Variants in EIF4H observed in about 807,000 individuals in gnomAD.
EIF4H encodes eukaryotic translation initiation factor 4H, also known as Williams-Beuren syndrome chromosome region 1.
A neutral mutation model predicts 30.6 loss-of-function variants in EIF4H; 8 were observed. The observed-to-expected ratio is 0.26, with a 90% CI of 0.15 to 0.47. The LOEUF is 0.47. Among genes scored for constraint, EIF4H ranks in the 20% least tolerant of loss-of-function variants. The probability of loss-of-function intolerance (pLI) is 0.99; values close to 1 mark genes in which losing one functional copy is unlikely to be tolerated. For missense variants in EIF4H, 188 were observed against 339.5 expected (o/e 0.55, Z 3.51); for synonymous variants, 106 against 122.7 (o/e 0.86, Z 0.90).
intron 5 of EIF4H, among the ~76,000 whole-genome samples, chr7:74,193,006 AT>A (rs1291442757): frequency 2.0e-5 from 3 of 152,132 alleles, no homozygotes; most frequent in African/African-American, 7.2e-5. Context: ...AAGACGCCTC[AT>A]TTAATGTTAG....
At chr7:74,182,508 T>C (rs1199141582) in intron 1 of EIF4H, among the ~76,000 whole-genome samples, 1 of 152,214 alleles carries the variant, frequency 6.6e-6, no homozygotes, top group East Asian at 1.9e-4. Context: ...TTCTTTGGTT[T>C]ACACTACTTT....
intron 1 of EIF4H, among the ~76,000 whole-genome samples, chr7:74,178,833 C>T (rs77131509): frequency 1.3e-5 from 2 of 152,118 alleles, no homozygotes; most frequent in South Asian, 2.1e-4. Context: ...TTGTGTAAGT[C>T]GAATGTTCTT....
intron 1 of EIF4H, among the ~76,000 whole-genome samples, chr7:74,182,063 CT>C (rs1382161338): frequency 8.5e-4 from 130 of 152,112 alleles, no homozygotes; most frequent in African/African-American, 2.9e-3. Context: ...ATAAGGGCTT[CT>C]TTTTTTTCTT....
chr7:74,191,161 G>A (rs376669181), intron 5 of EIF4H: 7 of 533,348 alleles, frequency 1.3e-5, no homozygotes, highest in South Asian at 2.8e-5. Context: ...AACAGGTGAC[G>A]ACTACCTGTT....
intron 1 of EIF4H, among the ~76,000 whole-genome samples, chr7:74,176,996 C>T (rs1025030198): frequency 2.0e-5 from 3 of 152,156 alleles, no homozygotes; most frequent in African/African-American, 7.2e-5. Flanking sequence ...GGAAAACCAC[C>T]GATCCTGAGA....
chr7:74,186,789 T>A (rs416098), intron 1 of EIF4H, among the ~76,000 whole-genome samples: 31,066 of 35,644 alleles, frequency 0.87, 13,526 homozygotes, highest in Non-Finnish European at 0.9. Flanking sequence ...CAAGGAGAAA[T>A]TTTTTTTTTT....
rs1439487192 is a variant in EIF4H at position 74,187,906 on chromosome 7, T to A, written c.247+108T>A. Reference sequence around the variant, plus strand: ...GAACCAGAGGCTGTAATCAAGAAAGTGTTTTAAACATTTGCCTGGTCTAAG... The same window carrying A: ...GAACCAGAGGCTGTAATCAAGAAAGAGTTTTAAACATTTGCCTGGTCTAAG... On this transcript the variant is annotated intron_variant, in intron 2 of 6. Transcript: ENST00000265753. 2 of 1,309,912 alleles carry A rather than the reference T, an allele frequency of 1.5e-6. 1 individual carries two copies. The highest frequency in any genetic ancestry group is 3.4e-5 in the South Asian group (2 of 58,094). The allele number at this position is 1,309,912 out of a possible 1,614,324, so 81.1% of individuals were successfully genotyped here.
intron 5 of EIF4H, among the ~76,000 whole-genome samples, chr7:74,193,623 T>C (rs1801275596): frequency 6.6e-6 from 1 of 151,420 alleles, no homozygotes; most frequent in Non-Finnish European, 1.5e-5. Context: ...TTTTTTTTTT[T>C]TTTCCTTGAG....
rs1480033133 is a variant in EIF4H, at chr7:74,196,586, G to A, written c.*1278G>A. 5.3e-5 allele frequency: 8 copies of A among 151,900 alleles called. No individual in the cohort carries two copies. The highest frequency in any genetic ancestry group is 1.9e-4 in the African/African-American group (8 of 41,344). 9.4% of individuals were successfully genotyped at this position (151,900 alleles called of 1,614,324 possible). On this transcript the variant is annotated 3_prime_UTR_variant, in exon 7 of 7. Transcript: ENST00000265753. Reference sequence around the variant, plus strand: ...AAAATCCTTCAGTACCCAAGTCCCAGTCTGTCCTATGGGGAGCAGTTTGGG... The same window carrying A: ...AAAATCCTTCAGTACCCAAGTCCCAATCTGTCCTATGGGGAGCAGTTTGGG...
In EIF4H at chr7:74,189,926, G is replaced by T. The variant is rs782733036; in HGVS notation, c.409+8G>T. 50 of 1,613,666 alleles carry T rather than the reference G, an allele frequency of 3.1e-5. No individual in the cohort carries two copies. The highest frequency in any genetic ancestry group is 4.2e-5 in the Non-Finnish European group (49 of 1,179,944). On this transcript the variant is annotated splice_region_variant and intron_variant, in intron 4 of 6. Transcript: ENST00000265753. Reference sequence around the variant, plus strand: ...GTGGACCAGATGACAGAGGTGATTGGTTCTTCTAAAGCTGAACATCATAAA... The same window carrying T: ...GTGGACCAGATGACAGAGGTGATTGTTTCTTCTAAAGCTGAACATCATAAA...
Position 74,174,745 on chromosome 7 carries a change from G to A in EIF4H, c.59+303G>A, listed in dbSNP as rs185284932. ...CGCCGATGCCCGGAGACGAGCGCCC[G>A]CTTCCAGCCCCATCCCCCCTACGGT... is the stretch of plus-strand genomic sequence containing the variant. On this transcript the variant is annotated intron_variant, in intron 1 of 6. Transcript: ENST00000265753. Among the ~76,000 whole-genome samples the A allele has an allele frequency of 8.2e-4, 125 of 152,322 alleles. 1 individual carries two copies. Among genetic ancestry groups the A allele is most frequent in the Non-Finnish European group, 1.3e-3 (89 of 68,022 alleles).
rs1554710802 is a variant in EIF4H at position 74,196,534 on chromosome 7, CT to C, written c.*1228del. ...GAGTGCTAGGGGTTAGGCTTTTGAG[CT>C]TGAACGCCTGCGTGTGAACAGATGA... On this transcript the variant is annotated 3_prime_UTR_variant, in exon 7 of 7. Coordinates refer to ENST00000265753, the MANE Select transcript of EIF4H (RefSeq NM_022170.2). 2 of 152,198 alleles carry C rather than the reference CT, an allele frequency of 1.3e-5. No homozygotes were observed. The highest frequency in any genetic ancestry group is 2.4e-5 in the African/African-American group (1 of 41,434). The allele number at this position is 152,198 out of a possible 1,614,324, so 9.4% of individuals were successfully genotyped here.
chr7:74,175,046 C>T (rs568649008), intron 1 of EIF4H, among the ~76,000 whole-genome samples: 8 of 152,222 alleles, frequency 5.3e-5, no homozygotes, highest in African/African-American at 1.9e-4. Context: ...ATCGTAGCTT[C>T]TTTGTATTAA....
At chr7:74,186,788 A>ATTTTTTTTTTTTTTT (rs564794579) in intron 1 of EIF4H, among the ~76,000 whole-genome samples, 1 of 70,088 alleles carries the variant, frequency 1.4e-5, no homozygotes, top group African/African-American at 4.9e-5. Flanking sequence ...ACAAGGAGAA[A>ATTTTTTTTTTTTTTT]TTTTTTTTTT....
chr7:74,186,690 GT>G (rs1801086407), intron 1 of EIF4H, among the ~76,000 whole-genome samples: 1 of 149,080 alleles, frequency 6.7e-6, no homozygotes, highest in Admixed American at 6.7e-5. Context: ...ACCCTGTGAA[GT>G]ATTGCACGAG....
Position 74,195,414 on chromosome 7 carries a change from G to C in EIF4H, c.*106G>C. On this transcript the variant is annotated 3_prime_UTR_variant, in exon 7 of 7. Coordinates refer to ENST00000265753, the MANE Select transcript of EIF4H (RefSeq NM_022170.2). ...GCCGCCACTCCTGCGCCTGCCATTG[G>C]CCTCCTCACAGCGGAAACACAGCTT... 7.6e-7 allele frequency: 1 copy of C among 1,322,276 alleles called. No individual in the cohort carries two copies. Among genetic ancestry groups the C allele is most frequent in the Non-Finnish European group, 1.0e-6 (1 of 973,302 alleles). The allele number at this position is 1,322,276 out of a possible 1,614,324, so 81.9% of individuals were successfully genotyped here.
intron 1 of EIF4H, among the ~76,000 whole-genome samples, chr7:74,185,062 T>A (rs1275264708): frequency 6.6e-6 from 1 of 152,054 alleles, no homozygotes; most frequent in Non-Finnish European, 1.5e-5. Context: ...GCCATCACAG[T>A]TCACTGCAGC....
In EIF4H at chr7:74,174,733, A is replaced by T. The variant is rs372836358; in HGVS notation, c.59+291A>T. ...TGGCCGCGGCGGCGCCGATGCCCGG[A>T]GACGAGCGCCCGCTTCCAGCCCCAT... is the stretch of plus-strand genomic sequence containing the variant. On this transcript the variant is annotated intron_variant, in intron 1 of 6. Transcript: ENST00000265753. 3.3e-5 allele frequency among the ~76,000 whole-genome samples: 5 copies of T among 152,324 alleles called. No homozygotes were observed. In the East Asian group the frequency reaches 9.7e-4, roughly 29 times the overall value.
At chr7:74,195,009 AG>A in intron 6 of EIF4H, 131 bp downstream of exon 6, 1 of 1,501,978 alleles carries the variant, frequency 6.7e-7, no homozygotes, top group Non-Finnish European at 8.9e-7. Flanking sequence ...TCTCTGGAAT[AG>A]CAAGTTCACC....
Sources: allele counts gnomAD v4.1 joint callset (sites outside exome capture counted in the v4.1 genomes callset), GRCh38; gene constraint gnomAD v4.1.1; transcripts MANE v1.5; gene names NCBI Gene and HGNC (gene_info 2026-07-23, HGNC 2026-07-21).